The following GNPDA2 variants were observed in gnomAD, a reference collection of about 807,000 sequenced individuals.
GNPDA2 encodes glcN6P deaminase 2.
GNPDA2 carries 24 observed loss-of-function variants against 27.0 expected under a neutral mutation model. The ratio of observed to expected loss-of-function variants is 0.89; its 90% CI spans 0.64 to 1.25. The LOEUF is 1.25. Ranked by LOEUF, GNPDA2 falls within the 50% of genes most tolerant of loss-of-function variation. GNPDA2 has a pLI of 0.00. For synonymous variants in GNPDA2, 94 were observed against 108.4 expected (o/e 0.87, Z 0.83); for missense variants, 286 against 335.1 (o/e 0.85, Z 1.14).
chr4:44,710,052 T>TAATA (rs369417827), intron 5 of GNPDA2, among the ~76,000 whole-genome samples: 12 of 152,196 alleles, frequency 7.9e-5, no homozygotes, highest in African/African-American at 2.7e-4. Flanking sequence ...TTGTTAAATG[T>TAATA]AATCTATTAC....
In GNPDA2 at chr4:44,722,210, C is replaced by G. The variant is rs750502303; in HGVS notation, c.-3G>C. ...TTATCAAGAATTACAAGCCTCATTA[C>G]GGTGACGCACAGCTTCCAGAACAAG... On this transcript the variant is annotated 5_prime_UTR_variant, in exon 2 of 7. Coordinates refer to ENST00000295448, the MANE Select transcript of GNPDA2 (RefSeq NM_138335.3). The G allele has an allele frequency of 6.2e-7, 1 of 1,612,890 alleles. No individual in the cohort carries two copies. The highest frequency in any genetic ancestry group is 8.5e-7 in the Non-Finnish European group (1 of 1,179,296).
At position 44,707,886 on chromosome 4, in the gene GNPDA2, A is replaced by G. The variant is rs1352765055; in HGVS notation, c.635T>C (p.Leu212Pro). 1 of 1,612,070 alleles carries G rather than the reference A, an allele frequency of 6.2e-7. No homozygotes were observed. The highest frequency in any genetic ancestry group is 1.6e-4 in the Middle Eastern group (1 of 6,078). The part of the protein sequence containing the change: ...LITGAHKAFA[L>P]YKAIEEGVNH... ...GACTCCTTCTTCTATTGCTTTGTAC[A>G]GGGCAAATGCCTTGTGTGCCCCTGT... is the stretch of plus-strand genomic sequence containing the variant. Residue 212 changes from leucine to proline, a missense_variant, in exon 6 of 7, where the codon CTG (leucine) becomes CCG (proline). Leu to Pro is a moderately conservative substitution (Grantham distance 98). Coordinates refer to ENST00000295448, the MANE Select transcript of GNPDA2 (RefSeq NM_138335.3).
chr4:44,706,529 A>G (rs1368687879), intron 6 of GNPDA2: 1 of 152,002 alleles, frequency 6.6e-6, no homozygotes, highest in African/African-American at 2.4e-5. Flanking sequence ...GATATTTGCC[A>G]TATTCACACA....
intron 4 of GNPDA2, among the ~76,000 whole-genome samples, chr4:44,713,055 T>C (rs897240574): frequency 2.6e-5 from 4 of 152,198 alleles, no homozygotes; most frequent in Admixed American, 1.3e-4. Context: ...AAGTGACACA[T>C]AGGACGCACT....
Position 44,722,216 on chromosome 4 carries a change from C to A in GNPDA2, c.-9G>T, listed in dbSNP as rs373637467. ...AGAATTACAAGCCTCATTACGGTGA[C>A]GCACAGCTTCCAGAACAAGTTCAAA... On this transcript the variant is annotated 5_prime_UTR_variant, in exon 2 of 7. Coordinates refer to ENST00000295448, the MANE Select transcript of GNPDA2 (RefSeq NM_138335.3). 1.2e-6 allele frequency: 2 copies of A among 1,612,454 alleles called. No individual in the cohort carries two copies. The highest frequency in any genetic ancestry group is 1.3e-5 in the African/African-American group (1 of 74,856).
intron 4 of GNPDA2, chr4:44,714,325 T>A: frequency 1.0e-6 from 1 of 985,334 alleles, no homozygotes; most frequent in Non-Finnish European, 1.2e-6. Context: ...TTGCTGGGGT[T>A]AAGTCAGGAA....
chr4:44,713,244 C>T (rs986033983), intron 4 of GNPDA2, among the ~76,000 whole-genome samples: 2 of 152,164 alleles, frequency 1.3e-5, no homozygotes, highest in Non-Finnish European at 2.9e-5. Flanking sequence ...GAGATAAGCA[C>T]TTGTCTCAGG....
intron 4 of GNPDA2, 89 bp downstream of exon 4, chr4:44,717,024 A>T: frequency 2.2e-6 from 2 of 892,122 alleles, no homozygotes; most frequent in Non-Finnish European, 3.5e-6. Context: ...TGCTCTTTAC[A>T]TTACACAATG....
intron 4 of GNPDA2, among the ~76,000 whole-genome samples, chr4:44,716,254 C>T (rs1373881510): frequency 6.6e-6 from 1 of 151,906 alleles, no homozygotes. Context: ...AAATTAACCT[C>T]AGGACAGCTC....
At position 44,702,839 on chromosome 4, in the gene GNPDA2, G is replaced by T; in HGVS notation, c.*242C>A. The T allele has an allele frequency of 7.5e-7, 1 of 1,334,840 alleles. No individual in the cohort carries two copies. Among genetic ancestry groups the T allele is most frequent in the Non-Finnish European group, 9.5e-7 (1 of 1,048,472 alleles). 82.7% of individuals were successfully genotyped at this position (1,334,840 alleles called of 1,614,324 possible). A position where few individuals can be genotyped will look rare whatever the true frequency, so the allele number is the denominator to read the frequency against. On this transcript the variant is annotated 3_prime_UTR_variant, in exon 7 of 7. Coordinates refer to ENST00000295448, the MANE Select transcript of GNPDA2 (RefSeq NM_138335.3). ...ACATTTCTATGCTGTTTTATAGGTG[G>T]CTATGTGACTTCAGTACTTTATAAT...
intron 2 of GNPDA2, among the ~76,000 whole-genome samples, chr4:44,721,308 C>T (rs1717653508): frequency 6.6e-6 from 1 of 152,122 alleles, no homozygotes; most frequent in African/African-American, 2.4e-5. Context: ...TACACATACA[C>T]TATCTTAGCT....
At chr4:44,725,540 G>GA (rs1717957119) in intron 1 of GNPDA2, among the ~76,000 whole-genome samples, 1 of 152,176 alleles carries the variant, frequency 6.6e-6, no homozygotes, top group Admixed American at 6.5e-5. Flanking sequence ...ACATCTCACT[G>GA]AAACGAAGTT....
chr4:44,702,187 TAAA>T lies in GNPDA2; in HGVS notation c.*891_*893del. On this transcript the variant is annotated 3_prime_UTR_variant, in exon 7 of 7. Transcript: ENST00000295448. ...TTACACGCTTTATTTGAGTTAAAGA[TAAA>T]AAACAATATACTTTTATGTAAATTG... 2 of 860,016 alleles carry T rather than the reference TAAA, an allele frequency of 2.3e-6. No individual in the cohort carries two copies. The highest frequency in any genetic ancestry group is 1.4e-6 in the Non-Finnish European group (1 of 715,076). The allele number at this position is 860,016 out of a possible 1,614,324, so 53.3% of individuals were successfully genotyped here.
At chr4:44,704,671 T>G (rs1393312903) in intron 6 of GNPDA2, 1 of 929,846 alleles carries the variant, frequency 1.1e-6, no homozygotes, top group African/African-American at 1.8e-5. Flanking sequence ...TAATTGCTAC[T>G]TAAGTCAAAC....
At chr4:44,725,459 A>C (rs1050019559) in intron 1 of GNPDA2, among the ~76,000 whole-genome samples, 1 of 152,244 alleles carries the variant, frequency 6.6e-6, no homozygotes, top group Non-Finnish European at 1.5e-5. Context: ...AATGAAGTCC[A>C]AGGAATCTCT....
chr4:44,712,172 T>A (rs1285604425), intron 4 of GNPDA2, among the ~76,000 whole-genome samples: 1 of 152,146 alleles, frequency 6.6e-6, no homozygotes, highest in South Asian at 2.1e-4. Flanking sequence ...GAGTTTTATT[T>A]ATAAGTACCC....
intron 6 of GNPDA2, chr4:44,704,634 T>C: frequency 1.2e-6 from 1 of 862,218 alleles, no homozygotes; most frequent in Non-Finnish European, 1.4e-6. Context: ...CTGACAACTT[T>C]CTACATACGA....
Position 44,702,910 on chromosome 4 carries a change from A to G in GNPDA2, c.*171T>C. 7.0e-7 allele frequency: 1 copy of G among 1,436,842 alleles called. No individual in the cohort carries two copies. The highest frequency in any genetic ancestry group is 1.5e-5 in the South Asian group (1 of 66,358). 89.0% of individuals were successfully genotyped at this position (1,436,842 alleles called of 1,614,324 possible). ...GAGCCAGCTACTTCTCTTAAACCCA[A>G]GTACAAGATATAAATATTCAAAATA... On this transcript the variant is annotated 3_prime_UTR_variant, in exon 7 of 7. Transcript: ENST00000295448.
intron 1 of GNPDA2, among the ~76,000 whole-genome samples, chr4:44,725,704 T>C (rs1335336966): frequency 6.6e-6 from 1 of 152,198 alleles, no homozygotes; most frequent in Non-Finnish European, 1.5e-5. Context: ...GATTTGACTT[T>C]TCCAGTTTTT....
Sources: gnomAD v4.1 joint callset for allele counts (sites outside exome capture counted in the v4.1 genomes callset) on GRCh38, gnomAD v4.1.1 for gene constraint, MANE v1.5 for transcripts, NCBI Gene and HGNC (gene_info 2026-07-23, HGNC 2026-07-21) for gene names.